The following CACHD1 variants were observed in gnomAD, a reference collection of about 807,000 sequenced individuals.
The protein encoded by CACHD1 is VWFA and cache domain-containing protein 1.
CACHD1 carries 71 observed loss-of-function variants against 138.7 expected under a neutral mutation model. The observed-to-expected ratio is 0.51, with a 90% CI of 0.42 to 0.62. CACHD1 has a LOEUF of 0.62. Ranked by LOEUF, CACHD1 falls within the 20% of genes least tolerant of loss-of-function variation. The pLI is 0.00. For missense variants in CACHD1, 1,389 were observed against 1,625.3 expected (o/e 0.85, Z 2.50); for synonymous variants, 578 against 591.5 (o/e 0.98, Z 0.33).
chr1:64,621,055 G>T (rs1420494992), intron 4 of CACHD1, among the ~76,000 whole-genome samples: 1 of 152,082 alleles, frequency 6.6e-6, no homozygotes, highest in Admixed American at 6.6e-5. Flanking sequence ...TATCATTCCT[G>T]CTTGTAAGGG....
intron 16 of CACHD1, among the ~76,000 whole-genome samples, chr1:64,669,773 C>T (rs1570469321): frequency 6.6e-6 from 1 of 151,950 alleles, no homozygotes; most frequent in Non-Finnish European, 1.5e-5. Context: ...AATATGAATC[C>T]TAGATTTATG....
At chr1:64,635,166 A>T (rs1648474519) in intron 7 of CACHD1, among the ~76,000 whole-genome samples, 1 of 151,760 alleles carries the variant, frequency 6.6e-6, no homozygotes, top group African/African-American at 2.4e-5. Context: ...CTTTATTTAG[A>T]TCATGTCTGC....
chr1:64,562,368 G>A (rs1646847161), intron 2 of CACHD1, among the ~76,000 whole-genome samples: 1 of 149,328 alleles, frequency 6.7e-6, no homozygotes, highest in African/African-American at 2.5e-5. Context: ...TTTTCTCTTG[G>A]ATAAAGATAA....
chr1:64,507,298 A>T (rs1419095229), intron 1 of CACHD1, among the ~76,000 whole-genome samples: 1 of 152,128 alleles, frequency 6.6e-6, no homozygotes, highest in African/African-American at 2.4e-5. Context: ...AGTTGGTTGT[A>T]TCCAATCTGC....
chr1:64,646,871 G>C (rs1189728692), intron 8 of CACHD1, among the ~76,000 whole-genome samples: 1 of 152,282 alleles, frequency 6.6e-6, no homozygotes, highest in East Asian at 1.9e-4. Flanking sequence ...AACCATGAAA[G>C]CTTCAGATTC....
intron 1 of CACHD1, among the ~76,000 whole-genome samples, chr1:64,487,797 C>G (rs541388376): frequency 1.5e-3 from 232 of 152,236 alleles, no homozygotes; most frequent in Middle Eastern, 0.014. Context: ...GTTTAGAAGG[C>G]AATTCTAATA....
chr1:64,543,121 G>A (rs917419624), intron 1 of CACHD1, among the ~76,000 whole-genome samples: 2 of 151,944 alleles, frequency 1.3e-5, no homozygotes, highest in Admixed American at 1.3e-4. Context: ...TTGATTGGAT[G>A]AAGAGTCTTT....
At chr1:64,586,028 G>T (rs945837289) in intron 3 of CACHD1, among the ~76,000 whole-genome samples, 1 of 152,098 alleles carries the variant, frequency 6.6e-6, no homozygotes, top group Non-Finnish European at 1.5e-5. Context: ...TATTCTAACA[G>T]CTGGGGTGCC....
chr1:64,585,935 T>C (rs1570392389), intron 3 of CACHD1, among the ~76,000 whole-genome samples: 2 of 152,222 alleles, frequency 1.3e-5, no homozygotes. Flanking sequence ...AAAGAGTTAG[T>C]AGTATGTTGT....
chr1:64,556,234 C>T (rs902832707), intron 2 of CACHD1, among the ~76,000 whole-genome samples: 1 of 152,212 alleles, frequency 6.6e-6, no homozygotes, highest in African/African-American at 2.4e-5. Context: ...GTCTTCCTAA[C>T]AGCAATTCAC....
chr1:64,625,356 G>A (rs1648058536), intron 4 of CACHD1, among the ~76,000 whole-genome samples: 2 of 152,196 alleles, frequency 1.3e-5, no homozygotes, highest in African/African-American at 4.8e-5. Flanking sequence ...GATGGGCGTG[G>A]TGGTTCACAC....
chr1:64,691,437 C>T lies in CACHD1; in HGVS notation c.3701C>T (p.Pro1234Leu). 1 of 1,614,060 alleles carries T rather than the reference C, an allele frequency of 6.2e-7. No homozygotes were observed. The highest frequency in any genetic ancestry group is 1.1e-5 in the South Asian group (1 of 91,074). The change falls in exon 27 of 27, where the codon CCC becomes CTC. Residue 1234 changes from proline to leucine, a missense_variant. Physicochemically the swap from Pro to Leu is moderately conservative, Grantham distance 98 (BLOSUM62 -3). Around this residue, in one of 5 missense-constraint regions of CACHD1, gnomAD observed 78 missense variants for 76.9 expected, o/e 1.01. Coordinates refer to ENST00000651257, the MANE Select transcript of CACHD1 (RefSeq NM_020925.4). ...NHDEDLDLDT[P>L]PQTAALLSHK... is the part of the protein sequence containing the mutation. ...GATGAGGACTTAGACCTGGATACCC[C>T]CCCTCAGACTGCTGCCCTACTAAGT...
chr1:64,641,265 TGAAC>T lies in CACHD1; in HGVS notation c.1007-554_1007-551del, dbSNP rs913917406. On this transcript the variant is annotated intron_variant, in intron 7 of 26. Transcript: ENST00000651257. ...GCTTGTAAGTAGCAGAGCTGGGCTT[TGAAC>T]ACAGTTACCTGGCTTCTAAGTCCAT... 9.2e-4 allele frequency among the ~76,000 whole-genome samples: 5 copies of T among 5,420 alleles called. No homozygotes were observed. The Admixed American group carries it at 0.023, about 25-fold the overall frequency. 3.6% of individuals were successfully genotyped at this position (5,420 alleles called of 152,430 possible).
chr1:64,560,138 A>G (rs1288622119), intron 2 of CACHD1, among the ~76,000 whole-genome samples: 3 of 152,196 alleles, frequency 2.0e-5, no homozygotes, highest in Non-Finnish European at 4.4e-5. Context: ...AATCAGAGAT[A>G]GAATGAATGG....
intron 1 of CACHD1, among the ~76,000 whole-genome samples, chr1:64,479,590 C>T (rs1188615628): frequency 6.6e-6 from 1 of 152,102 alleles, no homozygotes; most frequent in Non-Finnish European, 1.5e-5. Flanking sequence ...GGGGCTGTTT[C>T]TTGGATCCTT....
chr1:64,587,792 C>A (rs1647062419), intron 3 of CACHD1, among the ~76,000 whole-genome samples: 7 of 152,160 alleles, frequency 4.6e-5, no homozygotes. Context: ...AGATCCTGGG[C>A]TCTCCCACAA....
At chr1:64,501,043 G>A (rs1431228842) in intron 1 of CACHD1, among the ~76,000 whole-genome samples, 5 of 143,050 alleles carry the variant, frequency 3.5e-5, no homozygotes, top group Non-Finnish European at 6.0e-5. Context: ...GTGAGATTCT[G>A]TCTCAAAAAA....
At chr1:64,641,754 G>C in intron 7 of CACHD1, 66 bp from the exon 8 acceptor site, 1 of 1,312,468 alleles carries the variant, frequency 7.6e-7, no homozygotes, top group Non-Finnish European at 1.0e-6. Flanking sequence ...GACATGAACA[G>C]GAAACTGAAC....
intron 17 of CACHD1, among the ~76,000 whole-genome samples, chr1:64,672,116 C>G (rs891721788): frequency 4.6e-5 from 7 of 152,128 alleles, no homozygotes; most frequent in Non-Finnish European, 1.0e-4. Flanking sequence ...ACCATGGAAC[C>G]AAAAGTCTCT....
Sources: gnomAD v4.1 joint callset for allele counts (sites outside exome capture counted in the v4.1 genomes callset) on GRCh38, gnomAD v4.1.1 for gene constraint, gnomAD v4.1.1 regional missense constraint, MANE v1.5 for transcripts, NCBI Gene and HGNC (gene_info 2026-07-23, HGNC 2026-07-21) for gene names.